Variants in GAB2 observed in about 807,000 individuals in gnomAD.
GAB2 encodes GRB2-associated-binding protein 2.
A neutral mutation model predicts 65.5 loss-of-function variants in GAB2; 26 were observed. The observed-to-expected ratio is 0.40, with a 90% CI of 0.29 to 0.55. The LOEUF (loss-of-function observed/expected upper bound fraction) is 0.55, where lower values mean the gene tolerates loss of function less well. Among genes scored for constraint, GAB2 ranks in the 20% least tolerant of loss-of-function variants. The pLI, the probability that GAB2 is intolerant of heterozygous loss-of-function variation, is 0.53. For missense variants in GAB2, 884 were observed against 875.8 expected, an observed-to-expected ratio of 1.01 and a Z score of -0.12; for synonymous variants, 321 against 329.6, an observed-to-expected ratio of 0.97 and a Z score of 0.28.
At chr11:78,343,402 G>A in intron 1 of GAB2, among the ~76,000 whole-genome samples, 1 of 149,402 alleles carries the variant, frequency 6.7e-6, no homozygotes, top group Non-Finnish European at 1.5e-5. Flanking sequence ...GAGGGAGGGA[G>A]GGAGGGGGAG....
chr11:78,385,022 T>C (rs566174108), intron 1 of GAB2, among the ~76,000 whole-genome samples: 2 of 152,276 alleles, frequency 1.3e-5, no homozygotes, highest in Non-Finnish European at 2.9e-5. Flanking sequence ...GAGACTGCCA[T>C]CTCTCTAGGG....
chr11:78,394,867 C>A (rs1474785728), intron 1 of GAB2, among the ~76,000 whole-genome samples: 1 of 152,194 alleles, frequency 6.6e-6, no homozygotes, highest in Non-Finnish European at 1.5e-5. Flanking sequence ...TTCTCCAGGT[C>A]TGGAGATCAT....
At chr11:78,412,922 A>T (rs61454804) in intron 1 of GAB2, among the ~76,000 whole-genome samples, 1 of 152,166 alleles carries the variant, frequency 6.6e-6, no homozygotes, top group South Asian at 2.1e-4. Flanking sequence ...GAAGAAGCGT[A>T]TAACAAGATA....
chr11:78,406,376 G>A (rs543457616), intron 1 of GAB2, among the ~76,000 whole-genome samples: 9 of 144,780 alleles, frequency 6.2e-5, no homozygotes, highest in Non-Finnish European at 1.1e-4. Flanking sequence ...AAATGTCCAC[G>A]TTTAATTTTT....
At chr11:78,393,583 G>A (rs1313018442) in intron 1 of GAB2, among the ~76,000 whole-genome samples, 1 of 152,142 alleles carries the variant, frequency 6.6e-6, no homozygotes, top group Non-Finnish European at 1.5e-5. Flanking sequence ...GCATCAAAAA[G>A]CCTTACAAAT....
At chr11:78,327,709 C>T (rs913328582) in intron 1 of GAB2, among the ~76,000 whole-genome samples, 1 of 151,908 alleles carries the variant, frequency 6.6e-6, no homozygotes, top group Non-Finnish European at 1.5e-5. Flanking sequence ...GGTGAGCCCC[C>T]CAAATTTTGA....
In GAB2 at chr11:78,267,857, CAAAAAA is replaced by C. The variant is rs751533828; in HGVS notation, c.376+12738_376+12743del. ...TGGGTGATAGAGCGAGACTCCGTCT[CAAAAAA>C]AAAAAAAAAAAAAAAAAAGAGTCTC... On this transcript the variant is annotated intron_variant, in intron 2 of 9. Transcript: ENST00000361507. 4.5e-3 allele frequency among the ~76,000 whole-genome samples: 149 copies of C among 32,796 alleles called. 4 individuals are homozygous for C. Among genetic ancestry groups the C allele is most frequent in the Middle Eastern group, 0.03 (2 of 66 alleles). 21.5% of individuals were successfully genotyped at this position (32,796 alleles called of 152,430 possible).
chr11:78,361,976 C>T (rs559124948), intron 1 of GAB2, among the ~76,000 whole-genome samples: 26 of 151,930 alleles, frequency 1.7e-4, no homozygotes, highest in Admixed American at 5.2e-4. Context: ...CTTAGTTATG[C>T]CTTCACCAAT....
intron 1 of GAB2, among the ~76,000 whole-genome samples, chr11:78,409,569 C>T (rs1463811028): frequency 6.6e-6 from 1 of 151,984 alleles, no homozygotes; most frequent in Non-Finnish European, 1.5e-5. Flanking sequence ...TGGGCAACAA[C>T]AGCGGAACTC....
intron 1 of GAB2, among the ~76,000 whole-genome samples, chr11:78,343,937 C>A (rs1856140992): frequency 6.6e-6 from 1 of 151,656 alleles, no homozygotes; most frequent in East Asian, 1.9e-4. Flanking sequence ...GACCAGGTAG[C>A]CAGAAGGTAC....
At position 78,215,845 on chromosome 11, in the gene GAB2, A is replaced by AGG. The variant is rs1479819584; in HGVS notation, c.*3425_*3426dup. 1 of 152,680 alleles carries AGG rather than the reference A, an allele frequency of 6.5e-6. No individual in the cohort carries two copies. The highest frequency in any genetic ancestry group is 3.2e-3 in the Middle Eastern group (1 of 316). 9.5% of individuals were successfully genotyped at this position (152,680 alleles called of 1,614,324 possible). A position where few individuals can be genotyped will look rare whatever the true frequency, so the allele number is the denominator to read the frequency against. On this transcript the variant is annotated 3_prime_UTR_variant, in exon 10 of 10. Transcript: ENST00000361507. ...CATTTTATGAAGGCCCAGATGGGGA[A>AGG]GGAAGAACTCTGGAAATGGGATAGG...
chr11:78,342,196 A>G (rs1474832429), intron 1 of GAB2, among the ~76,000 whole-genome samples: 1 of 152,192 alleles, frequency 6.6e-6, no homozygotes, highest in Non-Finnish European at 1.5e-5. Context: ...ACTCTAGTGA[A>G]TGCTATCAAC....
chr11:78,410,911 A>G (rs1394529873), intron 1 of GAB2, among the ~76,000 whole-genome samples: 1 of 152,140 alleles, frequency 6.6e-6, no homozygotes, highest in African/African-American at 2.4e-5. Context: ...CACTCTGGGA[A>G]GCCAAGGTGG....
At chr11:78,393,770 T>C (rs1017319745) in intron 1 of GAB2, among the ~76,000 whole-genome samples, 1 of 152,250 alleles carries the variant, frequency 6.6e-6, no homozygotes, top group Non-Finnish European at 1.5e-5. Context: ...TTGTAACAGT[T>C]ACCACTTATT....
intron 1 of GAB2, among the ~76,000 whole-genome samples, chr11:78,318,778 T>C (rs1855666470): frequency 6.6e-6 from 1 of 152,118 alleles, no homozygotes; most frequent in Non-Finnish European, 1.5e-5. Flanking sequence ...GGCATAAAAG[T>C]TAATCTGTTT....
intron 2 of GAB2, among the ~76,000 whole-genome samples, chr11:78,273,661 G>A (rs1001800371): frequency 6.6e-6 from 1 of 152,190 alleles, no homozygotes; most frequent in Admixed American, 6.5e-5. Context: ...TTAAGACTTT[G>A]GGGGACTGTT....
intron 1 of GAB2, among the ~76,000 whole-genome samples, chr11:78,296,142 T>C (rs942150518): frequency 6.6e-6 from 1 of 152,172 alleles, no homozygotes; most frequent in East Asian, 1.9e-4. Context: ...GCTGATCTGA[T>C]GGGAGGTGGA....
intron 1 of GAB2, among the ~76,000 whole-genome samples, chr11:78,345,025 C>T (rs1422372190): frequency 6.6e-6 from 1 of 152,164 alleles, no homozygotes; most frequent in African/African-American, 2.4e-5. Flanking sequence ...GCCTGTAATC[C>T]TGGCACAGGA....
chr11:78,271,649 T>C lies in GAB2; in HGVS notation c.376+8952A>G, dbSNP rs74588342. Among the ~76,000 whole-genome samples, 527 of 152,296 alleles carry C rather than the reference T, an allele frequency of 3.5e-3. 1 individual carries two copies. The highest frequency in any genetic ancestry group is 0.012 in the African/African-American group (503 of 41,556). ...GTCTCCATCTGCCACAAACCTCTTC[T>C]AGCTGAAAGTAAACATGTAAGTTTT... On this transcript the variant is annotated intron_variant, in intron 2 of 9. Transcript: ENST00000361507.
Sources: allele counts gnomAD v4.1 joint callset (sites outside exome capture counted in the v4.1 genomes callset), GRCh38; gene constraint gnomAD v4.1.1; transcripts MANE v1.5; gene names NCBI Gene and HGNC (gene_info 2026-07-23, HGNC 2026-07-21).